Variants in CPQ observed in about 807,000 individuals in gnomAD.
CPQ encodes the protein carboxypeptidase Q, also known as Ser-Met dipeptidase.
CPQ carries 37 observed loss-of-function variants against 45.7 expected under a neutral mutation model. That is an observed-to-expected ratio of 0.81 (90% CI 0.62 to 1.07). The LOEUF (loss-of-function observed/expected upper bound fraction) is 1.07, where lower values mean the gene tolerates loss of function less well. Among genes scored for constraint, CPQ ranks in the 50% least tolerant of loss-of-function variants. The pLI, the probability that CPQ is intolerant of heterozygous loss-of-function variation, is 0.00. For synonymous variants in CPQ, 186 were observed against 205.8 expected, an observed-to-expected ratio of 0.90 and a Z score of 0.82; for missense variants, 537 against 572.9, an observed-to-expected ratio of 0.94 and a Z score of 0.64.
intron 1 of CPQ, among the ~76,000 whole-genome samples, chr8:96,758,753 C>G (rs1000817446): frequency 6.6e-6 from 1 of 152,012 alleles, no homozygotes; most frequent in African/African-American, 2.4e-5. Context: ...TTTAATTTAT[C>G]CTAGGCAGTT....
chr8:96,902,197 C>T (rs555233947), intron 4 of CPQ, among the ~76,000 whole-genome samples: 1 of 152,112 alleles, frequency 6.6e-6, no homozygotes, highest in Non-Finnish European at 1.5e-5. Context: ...AGTGAAGGGG[C>T]CCCAAGCCAG....
At chr8:96,681,958 C>T (rs958207484) in intron 1 of CPQ, among the ~76,000 whole-genome samples, 21 of 152,162 alleles carry the variant, frequency 1.4e-4, no homozygotes, top group Non-Finnish European at 2.4e-4. Context: ...ACTGTATTTA[C>T]CCAATGCTTG....
At chr8:96,993,547 T>C (rs1488257076) in intron 5 of CPQ, among the ~76,000 whole-genome samples, 1 of 152,178 alleles carries the variant, frequency 6.6e-6, no homozygotes, top group Middle Eastern at 3.2e-3. Context: ...CAAAGTTTTA[T>C]TTTCTTTGTT....
chr8:96,953,105 C>T (rs1813294771), intron 4 of CPQ, among the ~76,000 whole-genome samples: 1 of 152,044 alleles, frequency 6.6e-6, no homozygotes, highest in Non-Finnish European at 1.5e-5. Flanking sequence ...AGTTGAAGAG[C>T]AGCATGATGA....
intron 4 of CPQ, among the ~76,000 whole-genome samples, chr8:96,962,308 T>C (rs190383591): frequency 2.0e-5 from 3 of 152,370 alleles, no homozygotes; most frequent in Admixed American, 1.3e-4. Context: ...TTTTACTCTA[T>C]ACTGCATTTG....
At chr8:97,127,689 A>C (rs1256912715) in intron 7 of CPQ, among the ~76,000 whole-genome samples, 6 of 152,012 alleles carry the variant, frequency 3.9e-5, no homozygotes, top group African/African-American at 1.2e-4. Flanking sequence ...ACTCCATCCC[A>C]AAAAAAATGA....
chr8:96,739,853 T>G (rs530222005), intron 1 of CPQ, among the ~76,000 whole-genome samples: 12 of 152,010 alleles, frequency 7.9e-5, no homozygotes, highest in South Asian at 2.1e-4. Context: ...CATGCTGTTT[T>G]GGTTACTGTA....
intron 7 of CPQ, among the ~76,000 whole-genome samples, chr8:97,114,752 CCTT>C (rs1315737437): frequency 1.3e-5 from 2 of 152,306 alleles, no homozygotes; most frequent in East Asian, 3.9e-4. Flanking sequence ...ATGAGGCACT[CCTT>C]CATCCTTCAG....
chr8:97,119,328 CAA>C (rs34998181), intron 7 of CPQ, among the ~76,000 whole-genome samples: 26 of 72,334 alleles, frequency 3.6e-4, no homozygotes, highest in African/African-American at 1.0e-3. Context: ...GACTCCATCT[CAA>C]AAAAAAAAAA....
rs373197966 is a variant in CPQ, at chr8:96,789,475, AG to A, written c.433+4147del. On this transcript the variant is annotated intron_variant, in intron 2 of 7. Transcript: ENST00000220763. ...GCTGGGTTCCCTATGAGTCACCCGT[AG>A]GTCTGCATAAGCCACTTATTGGTCA... 2.3e-3 allele frequency among the ~76,000 whole-genome samples: 348 copies of A among 152,286 alleles called. 4 individuals are homozygous for A. The highest frequency in any genetic ancestry group is 8.2e-3 in the African/African-American group (340 of 41,556).
At chr8:97,050,657 G>C (rs915037618) in intron 6 of CPQ, among the ~76,000 whole-genome samples, 4 of 152,048 alleles carry the variant, frequency 2.6e-5, no homozygotes, top group Admixed American at 2.6e-4. Context: ...GTGAGCCCAG[G>C]GTTTGTGATC....
intron 3 of CPQ, among the ~76,000 whole-genome samples, chr8:96,857,318 TAAAC>T (rs1811864239): frequency 6.6e-6 from 1 of 152,192 alleles, no homozygotes; most frequent in South Asian, 2.1e-4. Context: ...TGTTTATTAA[TAAAC>T]AAACACACAA....
intron 3 of CPQ, among the ~76,000 whole-genome samples, chr8:96,845,014 G>T (rs1811665475): frequency 6.6e-6 from 1 of 152,170 alleles, no homozygotes; most frequent in African/African-American, 2.4e-5. Context: ...CAATACCCAA[G>T]ATATTTTCCA....
In CPQ at chr8:97,034,839, TG is replaced by T. The variant is rs1440839222; in HGVS notation, c.1053+5347del. The stretch of plus-strand genomic sequence containing the variant: ...GTCTGACGTCTTTCACTAAACAGTA[TG>T]GTTTTGCAGTTTATCCATGTTGTTG... On this transcript the variant is annotated intron_variant, in intron 6 of 7. Transcript: ENST00000220763. 3.6e-3 allele frequency among the ~76,000 whole-genome samples: 555 copies of T among 152,246 alleles called. 1 individual carries two copies. The highest frequency in any genetic ancestry group is 0.012 in the African/African-American group (508 of 41,552).
intron 1 of CPQ, among the ~76,000 whole-genome samples, chr8:96,688,217 C>G (rs533761679): frequency 2.7e-4 from 41 of 152,196 alleles, no homozygotes; most frequent in Non-Finnish European, 5.1e-4. Context: ...TGAACATATA[C>G]TATGCTGCAT....
At chr8:96,950,829 A>G (rs1189561326) in intron 4 of CPQ, among the ~76,000 whole-genome samples, 1 of 152,154 alleles carries the variant, frequency 6.6e-6, no homozygotes, top group Non-Finnish European at 1.5e-5. Context: ...ACAGATGTTA[A>G]CATCCATTTT....
intron 2 of CPQ, among the ~76,000 whole-genome samples, chr8:96,793,576 G>T (rs1197810682): frequency 6.6e-6 from 1 of 152,096 alleles, no homozygotes; most frequent in African/African-American, 2.4e-5. Flanking sequence ...ATTCTGACTT[G>T]GCCCCTCCAA....
At chr8:97,138,986 C>T (rs1316396154) in intron 7 of CPQ, among the ~76,000 whole-genome samples, 1 of 151,874 alleles carries the variant, frequency 6.6e-6, no homozygotes, top group Non-Finnish European at 1.5e-5. Flanking sequence ...ACATAATAAA[C>T]AGATAGAAGC....
At chr8:96,967,661 C>T (rs2130365904) in intron 5 of CPQ, among the ~76,000 whole-genome samples, 2 of 152,258 alleles carry the variant, frequency 1.3e-5, no homozygotes, top group South Asian at 4.2e-4. Flanking sequence ...CTTAAATCTC[C>T]AAAAGATTTC....
Sources: allele counts gnomAD v4.1 joint callset (sites outside exome capture counted in the v4.1 genomes callset), GRCh38; gene constraint gnomAD v4.1.1; transcripts MANE v1.5; gene names NCBI Gene and HGNC (gene_info 2026-07-23, HGNC 2026-07-21).